The following DDX43 variants were observed in gnomAD, a reference collection of about 807,000 sequenced individuals.
DDX43 encodes DEAD-box helicase 43.
A neutral mutation model predicts 84.9 loss-of-function variants in DDX43; 50 were observed. The observed-to-expected ratio is 0.59, with a 90% confidence interval of 0.47 to 0.75. The LOEUF (loss-of-function observed/expected upper bound fraction) is 0.75, where lower values mean the gene tolerates loss of function less well. Ranked by LOEUF, DDX43 falls within the 30% of genes least tolerant of loss-of-function variation. The probability of loss-of-function intolerance (pLI) is 0.00; values close to 1 mark genes in which losing one functional copy is unlikely to be tolerated. For synonymous variants in DDX43, 291 were observed against 266.3 expected (o/e 1.09, Z -0.90); for missense variants, 689 against 798.6 (o/e 0.86, Z 1.65).
chr6:73,397,830 C>G, intron 2 of DDX43, 86 bp downstream of exon 2: 2 of 1,214,628 alleles, frequency 1.6e-6, no homozygotes, highest in Non-Finnish European at 2.4e-6. Context: ...TTTAAGACAG[C>G]CTCATTCTGT....
intron 8 of DDX43, 122 bp downstream of exon 8, chr6:73,407,737 C>T (rs1769710421): frequency 2.5e-6 from 2 of 811,356 alleles, no homozygotes; most frequent in Non-Finnish European, 4.0e-6. Context: ...ATGGGTCAGG[C>T]ATTTAGCACT....
intron 1 of DDX43, among the ~76,000 whole-genome samples, chr6:73,395,608 C>T (rs904874584): frequency 2.0e-5 from 3 of 149,154 alleles, no homozygotes; most frequent in Admixed American, 6.7e-5. Context: ...AGCAAGACTC[C>T]GTCTCAATTA....
chr6:73,398,531 C>T (rs902818747), intron 2 of DDX43, among the ~76,000 whole-genome samples: 2 of 151,988 alleles, frequency 1.3e-5, no homozygotes, highest in Admixed American at 6.5e-5. Context: ...GGATTACAGG[C>T]GTGAGCCACC....
intron 1 of DDX43, among the ~76,000 whole-genome samples, chr6:73,397,208 C>A (rs528028969): frequency 6.6e-6 from 1 of 152,270 alleles, no homozygotes; most frequent in Admixed American, 6.5e-5. Context: ...CACATTCTTA[C>A]CAACACTTTT....
chr6:73,398,093 G>A (rs991722136), intron 2 of DDX43: 6 of 178,666 alleles, frequency 3.4e-5, no homozygotes, highest in Non-Finnish European at 7.0e-5. Flanking sequence ...TTACAGGCAT[G>A]AGCCACTGCA....
intron 10 of DDX43, among the ~76,000 whole-genome samples, chr6:73,410,207 C>T (rs1224924308): frequency 1.3e-5 from 2 of 152,186 alleles, no homozygotes; most frequent in Non-Finnish European, 2.9e-5. Flanking sequence ...CTCGCTGACA[C>T]TCAAGCTGGA....
intron 4 of DDX43, among the ~76,000 whole-genome samples, chr6:73,402,343 T>G (rs1370163706): frequency 6.6e-6 from 1 of 152,176 alleles, no homozygotes; most frequent in Non-Finnish European, 1.5e-5. Context: ...AGTATCCTGG[T>G]TGACAAGAGC....
intron 11 of DDX43, among the ~76,000 whole-genome samples, chr6:73,413,095 C>G (rs543852643): frequency 6.6e-6 from 1 of 152,268 alleles, no homozygotes; most frequent in Admixed American, 6.5e-5. Flanking sequence ...AAACGTAGGT[C>G]TACATATATA....
At chr6:73,395,703 T>C (rs1053318328) in intron 1 of DDX43, among the ~76,000 whole-genome samples, 6 of 151,698 alleles carry the variant, frequency 4.0e-5, no homozygotes, top group Admixed American at 3.3e-4. Context: ...AGAAGACTTA[T>C]GAAATCTTAG....
At chr6:73,403,816 AT>A (rs35707346) in intron 4 of DDX43, among the ~76,000 whole-genome samples, 6,677 of 138,498 alleles carry the variant, frequency 0.048, 308 homozygotes, top group East Asian at 0.16. Context: ...TGCCAGGCTA[AT>A]TTTTTTTTTT....
chr6:73,407,399 G>A (rs1027816111), intron 7 of DDX43, 106 bp from the exon 8 acceptor site: 13 of 774,180 alleles, frequency 1.7e-5, no homozygotes, highest in African/African-American at 1.2e-4. Context: ...GATTACAGGC[G>A]TGAGCCACCA....
At chr6:73,404,830 A>G in intron 5 of DDX43, 59 bp downstream of exon 5, 1 of 1,295,176 alleles carries the variant, frequency 7.7e-7, no homozygotes, top group East Asian at 2.4e-5. Flanking sequence ...ATTGGTATTA[A>G]CACTTCGGGC....
intron 1 of DDX43, 98 bp from the exon 2 acceptor site, chr6:73,397,591 G>A (rs566766780): frequency 1.4e-5 from 13 of 938,362 alleles, no homozygotes; most frequent in African/African-American, 6.6e-5. Flanking sequence ...GGAGCATTTG[G>A]GGGGAAGAAC....
intron 2 of DDX43, among the ~76,000 whole-genome samples, chr6:73,398,636 A>C (rs1769516062): frequency 6.6e-6 from 1 of 152,260 alleles, no homozygotes; most frequent in African/African-American, 2.4e-5. Context: ...GATAATCTGC[A>C]TAAGAATGAG....
Position 73,414,661 on chromosome 6 carries a change from C to T in DDX43, c.1720C>T (p.Arg574Ter), listed in dbSNP as rs1283831000. 4 of 1,613,374 alleles carry T rather than the reference C, an allele frequency of 2.5e-6. No individual in the cohort carries two copies. The highest frequency in any genetic ancestry group is 3.4e-6 in the Non-Finnish European group (4 of 1,179,740). Residue 574 changes from arginine (R) to a stop codon, truncating the protein, a stop_gained, in exon 14 of 17, where the codon CGA (arginine) becomes TGA (stop). Coordinates refer to ENST00000370336, the MANE Select transcript of DDX43 (RefSeq NM_018665.3). LOFTEE classifies it high-confidence loss of function. ...FPRNIEEYVH[R>*]IGRTGRAGRT... ...ACGGAATATTGAAGAATACGTACAC[C>T]GAATAGGGCGCACGGGAAGAGCAGG...
Position 73,415,644 on chromosome 6 carries a change from G to A in DDX43, c.1833+60G>A, listed in dbSNP as rs976234462. On this transcript the variant is annotated intron_variant, in intron 15 of 16. Coordinates refer to ENST00000370336, the MANE Select transcript of DDX43 (RefSeq NM_018665.3). The stretch of plus-strand genomic sequence containing the variant: ...TATCAGTATCTCAGTCAGTTATGCC[G>A]GGTACTATGGCTTGCTATTTATCAG... 2.9e-5 allele frequency: 35 copies of A among 1,205,246 alleles called. No individual in the cohort carries two copies. Among genetic ancestry groups the A allele is most frequent in the South Asian group, 1.9e-4 (14 of 74,048 alleles). The allele number at this position is 1,205,246 out of a possible 1,614,324, so 74.7% of individuals were successfully genotyped here.
Position 73,409,301 on chromosome 6 carries a change from G to T in DDX43, c.1233G>T (p.Met411Ile), listed in dbSNP as rs1769741839. ...MLDMGFEPQI[M>I]KILLDVRPDR... Reference sequence around the variant, plus strand: ...ACATGGGATTTGAACCCCAGATAATGAAGATTTTGTTAGATGTGCGCCCAG... The same window carrying T: ...ACATGGGATTTGAACCCCAGATAATTAAGATTTTGTTAGATGTGCGCCCAG... Residue 411 changes from methionine to isoleucine, a missense_variant, in exon 10 of 17, where the codon ATG (methionine) becomes ATT (isoleucine). Coordinates refer to ENST00000370336, the MANE Select transcript of DDX43 (RefSeq NM_018665.3). 54 of 1,614,036 alleles carry T rather than the reference G, an allele frequency of 3.3e-5. No individual in the cohort carries two copies. The highest frequency in any genetic ancestry group is 4.5e-5 in the Non-Finnish European group (53 of 1,180,022).
At chr6:73,404,551 G>T in intron 4 of DDX43, 139 bp from the exon 5 acceptor site, 1 of 692,836 alleles carries the variant, frequency 1.4e-6, no homozygotes. Flanking sequence ...ATGGGAGCAA[G>T]CCTCGTTGGC....
intron 10 of DDX43, among the ~76,000 whole-genome samples, chr6:73,411,625 C>T (rs1055044340): frequency 2.6e-5 from 4 of 152,074 alleles, no homozygotes; most frequent in Non-Finnish European, 2.9e-5. Context: ...CCACCACACA[C>T]GGCCTTAGCT....
Sources: allele counts gnomAD v4.1 joint callset (sites outside exome capture counted in the v4.1 genomes callset), GRCh38; gene constraint gnomAD v4.1.1; transcripts MANE v1.5; gene names NCBI Gene and HGNC (gene_info 2026-07-23, HGNC 2026-07-21).